Variants in MTUS2 observed in about 807,000 individuals in gnomAD.
MTUS2 encodes microtubule-associated tumor suppressor candidate 2.
Under a neutral mutation model 114.1 loss-of-function variants are expected in MTUS2, and 40 were observed. The observed-to-expected ratio is 0.35, with a 90% CI of 0.27 to 0.46. The LOEUF (loss-of-function observed/expected upper bound fraction) is 0.46, where lower values mean the gene tolerates loss of function less well. MTUS2 is among the 20% of genes least tolerant of loss of function. The pLI is 1.00. For missense variants in MTUS2, 1,679 were observed against 1,705.4 expected, an observed-to-expected ratio of 0.98 and a Z score of 0.27; for synonymous variants, 688 against 672.0, an observed-to-expected ratio of 1.02 and a Z score of -0.37.
chr13:29,015,402 G>A (rs1262427541), intron 2 of MTUS2, among the ~76,000 whole-genome samples: 1 of 152,100 alleles, frequency 6.6e-6, no homozygotes, highest in African/African-American at 2.4e-5. Flanking sequence ...ATGAAGAGTG[G>A]CATGTTTTTC....
intron 4 of MTUS2, among the ~76,000 whole-genome samples, chr13:29,060,958 G>A (rs375863950): frequency 5.1e-4 from 77 of 151,866 alleles, no homozygotes; most frequent in African/African-American, 1.6e-3. Context: ...CCGCCACCAC[G>A]CCTGGCTAAT....
intron 8 of MTUS2, 117 bp from the exon 9 acceptor site, chr13:29,439,866 C>T: frequency 2.5e-6 from 2 of 811,048 alleles, no homozygotes; most frequent in South Asian, 3.2e-5. Context: ...TGAAAATTAT[C>T]TCCTTAAGGA....
intron 8 of MTUS2, among the ~76,000 whole-genome samples, chr13:29,368,519 A>T (rs565146799): frequency 3.3e-5 from 5 of 152,198 alleles, no homozygotes. Context: ...AGAAATGATA[A>T]ATGTTTGAGG....
At chr13:29,260,732 G>A (rs1897440407) in intron 5 of MTUS2, among the ~76,000 whole-genome samples, 1 of 152,188 alleles carries the variant, frequency 6.6e-6, no homozygotes, top group South Asian at 2.1e-4. Flanking sequence ...CTGTATTTTG[G>A]ATAAATCTTT....
At chr13:29,491,258 G>A (rs1882052949) in intron 11 of MTUS2, among the ~76,000 whole-genome samples, 1 of 149,494 alleles carries the variant, frequency 6.7e-6, no homozygotes. Flanking sequence ...GGGAGGGCAT[G>A]TAAGTGTGTC....
intron 4 of MTUS2, among the ~76,000 whole-genome samples, chr13:29,085,930 G>A (rs1460170896): frequency 6.6e-6 from 1 of 152,016 alleles, no homozygotes; most frequent in African/African-American, 2.4e-5. Context: ...TTCATCTTCA[G>A]CCTTGCCAAA....
Position 29,397,644 on chromosome 13 carries a change from G to A in MTUS2, c.3117+38171G>A, listed in dbSNP as rs181322238. Among the ~76,000 whole-genome samples the A allele has an allele frequency of 1.1e-3, 170 of 152,264 alleles. 1 individual carries two copies. The highest frequency in any genetic ancestry group is 2.1e-4 in the Non-Finnish European group (14 of 68,026). ...TTACTGGTAGTTTTCCTAATTTTTTGTCCTTCTGCTGGACCCACAAAGCAG... is the reference window on the plus strand; with the variant it reads ...TTACTGGTAGTTTTCCTAATTTTTTATCCTTCTGCTGGACCCACAAAGCAG... On this transcript the variant is annotated intron_variant, in intron 8 of 15. Coordinates refer to ENST00000612955, the MANE Select transcript of MTUS2 (RefSeq NM_001033602.4).
intron 8 of MTUS2, among the ~76,000 whole-genome samples, chr13:29,424,064 A>C (rs1876323056): frequency 6.7e-6 from 1 of 149,952 alleles, no homozygotes; most frequent in Non-Finnish European, 1.5e-5. Flanking sequence ...ATGGGGTTTC[A>C]CCATGTTGGC....
intron 11 of MTUS2, among the ~76,000 whole-genome samples, chr13:29,489,407 G>A (rs1881892320): frequency 6.6e-6 from 1 of 152,190 alleles, no homozygotes; most frequent in Non-Finnish European, 1.5e-5. Context: ...ACCAAGGTCT[G>A]TGTTATTGTC....
At chr13:28,963,362 A>G (rs1883423556) in intron 2 of MTUS2, among the ~76,000 whole-genome samples, 1 of 152,194 alleles carries the variant, frequency 6.6e-6, no homozygotes, top group Admixed American at 6.5e-5. Flanking sequence ...AAAAACAAAA[A>G]CAAAACAAAA....
intron 2 of MTUS2, among the ~76,000 whole-genome samples, chr13:28,993,425 A>G (rs1485550728): frequency 1.3e-5 from 2 of 152,060 alleles, no homozygotes; most frequent in Non-Finnish European, 2.9e-5. Flanking sequence ...TCTCCTGTGC[A>G]TTGTCTGTTT....
At chr13:29,375,502 T>C (rs1871530387) in intron 8 of MTUS2, among the ~76,000 whole-genome samples, 1 of 130,042 alleles carries the variant, frequency 7.7e-6, no homozygotes, top group African/African-American at 2.9e-5. Flanking sequence ...GCAATCACCT[T>C]TGCACCAGCC....
intron 4 of MTUS2, among the ~76,000 whole-genome samples, chr13:29,088,386 T>C (rs1889793142): frequency 6.6e-6 from 1 of 152,184 alleles, no homozygotes; most frequent in South Asian, 2.1e-4. Flanking sequence ...AGAATTGCTT[T>C]ATGCCTGAGT....
At chr13:29,400,600 C>G (rs1194796752) in intron 8 of MTUS2, among the ~76,000 whole-genome samples, 2 of 152,276 alleles carry the variant, frequency 1.3e-5, no homozygotes, top group South Asian at 2.1e-4. Context: ...CCTTTGTTCC[C>G]TTCATGGACT....
intron 5 of MTUS2, among the ~76,000 whole-genome samples, chr13:29,125,648 C>A (rs1384296552): frequency 1.3e-5 from 2 of 150,010 alleles, no homozygotes; most frequent in Non-Finnish European, 2.9e-5. Context: ...GGCAACCTGC[C>A]GCAGGATTTA....
chr13:28,903,929 T>G (rs1163311707), intron 2 of MTUS2, among the ~76,000 whole-genome samples: 1 of 152,200 alleles, frequency 6.6e-6, no homozygotes, highest in East Asian at 1.9e-4. Context: ...ACCTGGTGTT[T>G]CCTGACTTTT....
At chr13:28,869,738 A>G (rs7334895) in intron 2 of MTUS2, among the ~76,000 whole-genome samples, 4,849 of 152,230 alleles carry the variant, frequency 0.032, 100 homozygotes, top group Non-Finnish European at 0.054. Context: ...GCCGTTGCAC[A>G]CCAGCCTGGT....
At chr13:28,961,033 C>T (rs888773049) in intron 2 of MTUS2, among the ~76,000 whole-genome samples, 6 of 151,870 alleles carry the variant, frequency 4.0e-5, no homozygotes. Context: ...ATGGAGGAGA[C>T]AGAGGAGAAA....
At chr13:29,050,225 C>T (rs1285356652) in intron 4 of MTUS2, among the ~76,000 whole-genome samples, 2 of 152,098 alleles carry the variant, frequency 1.3e-5, no homozygotes, top group Non-Finnish European at 2.9e-5. Flanking sequence ...ACTTTTATTA[C>T]CATAAAATGT....
Sources: allele counts gnomAD v4.1 joint callset (sites outside exome capture counted in the v4.1 genomes callset), GRCh38; gene constraint gnomAD v4.1.1; transcripts MANE v1.5; gene names NCBI Gene and HGNC (gene_info 2026-07-23, HGNC 2026-07-21).